The following CDKAL1 variants were observed in gnomAD, a reference collection of about 807,000 sequenced individuals.
CDKAL1 encodes the protein threonylcarbamoyladenosine tRNA methylthiotransferase.
In CDKAL1, 32 loss-of-function variants were observed where a neutral mutation model predicts 68.2. The ratio of observed to expected loss-of-function variants is 0.47; its 90% CI spans 0.35 to 0.63. The LOEUF (loss-of-function observed/expected upper bound fraction) is 0.63. CDKAL1 is among the 30% of genes least tolerant of loss of function. CDKAL1 has a pLI of 0.00. For missense variants in CDKAL1, 606 were observed against 696.7 expected (o/e 0.87, Z 1.47); for synonymous variants, 234 against 244.3 (o/e 0.96, Z 0.39).
rs149494311 is a variant in CDKAL1 at position 20,557,755 on chromosome 6, C to T, written c.286+9050C>T. ...CAGCCTGGCCAACATGGTGAAACCC[C>T]ATCTCTACTAGAAATACAAAAATTA... On this transcript the variant is annotated intron_variant, in intron 4 of 15. Transcript: ENST00000274695. 2.5e-3 allele frequency among the ~76,000 whole-genome samples: 381 copies of T among 152,222 alleles called. 1 individual carries two copies. Among genetic ancestry groups the T allele is most frequent in the African/African-American group, 8.8e-3 (366 of 41,538 alleles).
At chr6:20,619,808 T>C (rs756210061) in intron 4 of CDKAL1, among the ~76,000 whole-genome samples, 12 of 152,204 alleles carry the variant, frequency 7.9e-5, no homozygotes, top group Non-Finnish European at 1.3e-4. Flanking sequence ...GTGAATTCAC[T>C]AGCCAGTCAT....
intron 9 of CDKAL1, among the ~76,000 whole-genome samples, chr6:20,848,613 TAAC>T (rs1180940563): frequency 1.3e-5 from 2 of 152,184 alleles, no homozygotes; most frequent in East Asian, 3.8e-4. Context: ...TTACTCTTAT[TAAC>T]ATCAGTAAGA....
chr6:21,189,431 T>G (rs1403307614), intron 13 of CDKAL1, among the ~76,000 whole-genome samples: 2 of 152,230 alleles, frequency 1.3e-5, no homozygotes, highest in Non-Finnish European at 2.9e-5. Flanking sequence ...TTGAGTACAT[T>G]TATATCTATT....
chr6:20,630,463 G>T (rs889487046), intron 4 of CDKAL1, among the ~76,000 whole-genome samples: 1 of 149,686 alleles, frequency 6.7e-6, no homozygotes, highest in East Asian at 2.0e-4. Flanking sequence ...AGTCCCTCTT[G>T]GTATTCTTAA....
At chr6:20,840,521 T>C (rs142100052) in intron 8 of CDKAL1, among the ~76,000 whole-genome samples, 78 of 152,302 alleles carry the variant, frequency 5.1e-4, no homozygotes, top group African/African-American at 1.9e-3. Flanking sequence ...AAGTTCACAA[T>C]TGAAGATAGA....
chr6:20,667,072 G>A (rs1347283323), intron 5 of CDKAL1, among the ~76,000 whole-genome samples: 1 of 152,146 alleles, frequency 6.6e-6, no homozygotes, highest in African/African-American at 2.4e-5. Context: ...AATATCCATT[G>A]CATTTGATTC....
chr6:20,892,081 C>A (rs1761439110), intron 9 of CDKAL1, among the ~76,000 whole-genome samples: 1 of 152,102 alleles, frequency 6.6e-6, no homozygotes, highest in Non-Finnish European at 1.5e-5. Context: ...ACAGAGAAAT[C>A]TTACCAAAAA....
chr6:21,081,605 T>C (rs1483875699), intron 12 of CDKAL1, among the ~76,000 whole-genome samples: 1 of 148,266 alleles, frequency 6.7e-6, no homozygotes, highest in African/African-American at 2.5e-5. Context: ...GGAGTCTCAC[T>C]CTGTCACCCA....
chr6:21,161,916 C>T (rs188012468), intron 13 of CDKAL1, among the ~76,000 whole-genome samples: 3 of 152,274 alleles, frequency 2.0e-5, no homozygotes, highest in African/African-American at 4.8e-5. Context: ...AGGAAAGGCA[C>T]GTTTCAATGG....
At chr6:21,087,168 C>T (rs1042476271) in intron 12 of CDKAL1, among the ~76,000 whole-genome samples, 2 of 152,144 alleles carry the variant, frequency 1.3e-5, no homozygotes, top group East Asian at 1.9e-4. Flanking sequence ...ATCCAAAGAC[C>T]GAGCAAGGGA....
At chr6:21,197,421 G>T (rs1778518058) in intron 13 of CDKAL1, among the ~76,000 whole-genome samples, 1 of 152,158 alleles carries the variant, frequency 6.6e-6, no homozygotes, top group African/African-American at 2.4e-5. Context: ...CTGCAGCAAA[G>T]AGACAGTTGC....
intron 13 of CDKAL1, among the ~76,000 whole-genome samples, chr6:21,172,189 A>G (rs1202735526): frequency 6.6e-6 from 1 of 152,190 alleles, no homozygotes. Flanking sequence ...AATCGGGGGT[A>G]TCACAGAGGA....
chr6:20,655,355 T>A (rs1768975763), intron 5 of CDKAL1, among the ~76,000 whole-genome samples: 1 of 152,100 alleles, frequency 6.6e-6, no homozygotes, highest in African/African-American at 2.4e-5. Context: ...GTACAGAGGA[T>A]CTCATCTAAA....
chr6:20,895,217 G>A (rs1761618169), intron 9 of CDKAL1, among the ~76,000 whole-genome samples: 3 of 151,962 alleles, frequency 2.0e-5, no homozygotes, highest in Admixed American at 6.6e-5. Context: ...TATTTTAATA[G>A]CTCTATAGTA....
intron 5 of CDKAL1, among the ~76,000 whole-genome samples, chr6:20,738,734 A>G (rs1331243215): frequency 6.6e-6 from 1 of 152,110 alleles, no homozygotes; most frequent in Non-Finnish European, 1.5e-5. Flanking sequence ...CCTGGGCTCA[A>G]GTGATCCTCC....
intron 11 of CDKAL1, among the ~76,000 whole-genome samples, chr6:21,006,301 C>T (rs1268047952): frequency 6.7e-6 from 1 of 150,244 alleles, no homozygotes; most frequent in Non-Finnish European, 1.5e-5. Context: ...AAAATAAATG[C>T]AAAAGAAAAA....
chr6:20,587,264 G>T (rs1765409856), intron 4 of CDKAL1, among the ~76,000 whole-genome samples: 1 of 152,034 alleles, frequency 6.6e-6, no homozygotes, highest in Non-Finnish European at 1.5e-5. Flanking sequence ...TGGGATTACA[G>T]GCATGAGCTA....
chr6:21,000,184 A>G (rs906331074), intron 10 of CDKAL1, 43 bp from the exon 11 acceptor site: 12 of 1,549,698 alleles, frequency 7.7e-6, no homozygotes, highest in African/African-American at 1.4e-5. Flanking sequence ...CCATTCCACA[A>G]TTTGTTAAAA....
intron 13 of CDKAL1, among the ~76,000 whole-genome samples, chr6:21,122,999 T>C (rs572976828): frequency 5.3e-5 from 8 of 152,256 alleles, no homozygotes; most frequent in African/African-American, 1.9e-4. Flanking sequence ...TGTTTTTATG[T>C]ACATTTGTAT....
Sources: gnomAD v4.1 joint callset for allele counts (sites outside exome capture counted in the v4.1 genomes callset) on GRCh38, gnomAD v4.1.1 for gene constraint, MANE v1.5 for transcripts, NCBI Gene and HGNC (gene_info 2026-07-23, HGNC 2026-07-21) for gene names.